ANKRD17: variants seen among roughly 807,000 people sequenced by gnomAD.
ANKRD17 encodes the protein ankyrin repeat domain 17.
ANKRD17 carries 19 observed loss-of-function variants against 229.7 expected under a neutral mutation model. The observed-to-expected ratio is 0.08, with a 90% CI of 0.06 to 0.12. ANKRD17 has a LOEUF of 0.12. Ranked by LOEUF, ANKRD17 falls within the 10% of genes least tolerant of loss-of-function variation. ANKRD17 has a pLI of 1.00. For synonymous variants in ANKRD17, 1,112 were observed against 1,146.1 expected (o/e 0.97, Z 0.60); for missense variants, 2,176 against 3,176.8 (o/e 0.68, Z 7.57).
chr4:73,159,470 T>A (rs550561406), intron 3 of ANKRD17, among the ~76,000 whole-genome samples: 1 of 152,228 alleles, frequency 6.6e-6, no homozygotes, highest in Admixed American at 6.5e-5. Flanking sequence ...ATATTAAGCC[T>A]GGCACATGGC....
chr4:73,108,740 A>C (rs1443170234), intron 24 of ANKRD17, among the ~76,000 whole-genome samples: 1 of 152,154 alleles, frequency 6.6e-6, no homozygotes, highest in Non-Finnish European at 1.5e-5. Flanking sequence ...TGGAAGAAAA[A>C]ATGGAGGTGA....
intron 17 of ANKRD17, 39 bp downstream of exon 17, chr4:73,125,162 G>C (rs1400938551): frequency 6.3e-7 from 1 of 1,588,092 alleles, no homozygotes; most frequent in Admixed American, 1.9e-5. Context: ...TAAATTTTTT[G>C]ACCAGTATTC....
chr4:73,103,530 TG>T (rs1310442796), intron 24 of ANKRD17, among the ~76,000 whole-genome samples: 1 of 152,216 alleles, frequency 6.6e-6, no homozygotes, highest in Non-Finnish European at 1.5e-5. Flanking sequence ...TTTTCTTTCT[TG>T]GCTCATAAAG....
At chr4:73,194,138 G>A (rs1209447648) in intron 1 of ANKRD17, among the ~76,000 whole-genome samples, 1 of 152,100 alleles carries the variant, frequency 6.6e-6, no homozygotes, top group Non-Finnish European at 1.5e-5. Flanking sequence ...ATTATCGGGG[G>A]TTATTTTATG....
rs6822576 is a variant in ANKRD17, at chr4:73,125,289, T to C, written c.3258A>G (p.Ala1086=). The change falls in exon 17 of 34, where the codon GCA becomes GCG. Residue 1086 remains alanine, a synonymous_variant. Coordinates refer to ENST00000358602, the MANE Select transcript of ANKRD17 (RefSeq NM_032217.5). ...GGCCACCAGCACAGGCAAGTGTTAG[T>C]GCCGTGTCATGATTACTCTCAGTCT... The part of the protein sequence containing the change: ...DAQTESNHDT[A]LTLACAGGHE... 1,612,318 of 1,613,454 alleles carry C rather than the reference T, an allele frequency of 1. 805,596 individuals are homozygous for C. The highest frequency in any genetic ancestry group is 1 in the East Asian group (44,860 of 44,860).
intron 16 of ANKRD17, among the ~76,000 whole-genome samples, chr4:73,133,010 G>A (rs927431827): frequency 6.6e-6 from 1 of 152,140 alleles, no homozygotes. Context: ...ACTTTGGGTG[G>A]CTAATGCAGG....
At chr4:73,165,209 G>T (rs1733072085) in intron 2 of ANKRD17, among the ~76,000 whole-genome samples, 1 of 152,156 alleles carries the variant, frequency 6.6e-6, no homozygotes, top group South Asian at 2.1e-4. Context: ...CAGGAGTCAG[G>T]TATGAGATGT....
At chr4:73,113,044 T>A (rs936693040) in intron 24 of ANKRD17, 6 of 1,093,754 alleles carry the variant, frequency 5.5e-6, no homozygotes, top group Non-Finnish European at 6.8e-6. Flanking sequence ...CGCCTCGGCC[T>A]CCCAAAGTGC....
chr4:73,081,109 C>T (rs1721516404), intron 30 of ANKRD17, among the ~76,000 whole-genome samples: 1 of 152,218 alleles, frequency 6.6e-6, no homozygotes, highest in Non-Finnish European at 1.5e-5. Flanking sequence ...GATAGGCACC[C>T]ATCCAAGTTT....
intron 1 of ANKRD17, among the ~76,000 whole-genome samples, chr4:73,241,298 T>C (rs1297208224): frequency 6.6e-6 from 1 of 151,880 alleles, no homozygotes; most frequent in African/African-American, 2.4e-5. Flanking sequence ...CCATATAAAT[T>C]TGAAATAAAT....
At chr4:73,101,947 T>A (rs1387785195) in intron 25 of ANKRD17, among the ~76,000 whole-genome samples, 1 of 152,070 alleles carries the variant, frequency 6.6e-6, no homozygotes, top group Non-Finnish European at 1.5e-5. Context: ...TCTCTTTTTT[T>A]TGATAGAAGG....
At chr4:73,178,363 G>A (rs1317993852) in intron 1 of ANKRD17, among the ~76,000 whole-genome samples, 1 of 152,048 alleles carries the variant, frequency 6.6e-6, no homozygotes, top group African/African-American at 2.4e-5. Context: ...TGCTTTATGT[G>A]TACTTCCCAT....
intron 1 of ANKRD17, among the ~76,000 whole-genome samples, chr4:73,185,652 T>C (rs569828733): frequency 2.0e-4 from 31 of 152,196 alleles, no homozygotes; most frequent in South Asian, 1.0e-3. Context: ...AAAATGGGTT[T>C]ACAGACATAA....
At chr4:73,225,056 G>T (rs1019768041) in intron 1 of ANKRD17, among the ~76,000 whole-genome samples, 1 of 152,122 alleles carries the variant, frequency 6.6e-6, no homozygotes, top group East Asian at 1.9e-4. Flanking sequence ...TTTAGGTATG[G>T]GTATGCCTGG....
chr4:73,240,564 G>A (rs1041985549), intron 1 of ANKRD17, among the ~76,000 whole-genome samples: 1 of 151,982 alleles, frequency 6.6e-6, no homozygotes. Context: ...TTTCGAGGCG[G>A]CAGTGAGCTA....
At chr4:73,241,559 A>G (rs1744041993) in intron 1 of ANKRD17, among the ~76,000 whole-genome samples, 1 of 152,194 alleles carries the variant, frequency 6.6e-6, no homozygotes, top group Non-Finnish European at 1.5e-5. Context: ...TTACTAAACT[A>G]TAAAAAGATC....
At chr4:73,185,682 T>A (rs538104444) in intron 1 of ANKRD17, among the ~76,000 whole-genome samples, 5 of 152,114 alleles carry the variant, frequency 3.3e-5, no homozygotes, top group Non-Finnish European at 7.4e-5. Context: ...TAACACCACT[T>A]TGGCTACAAA....
chr4:73,179,518 A>ATTTTTTTTTTT lies in ANKRD17; in HGVS notation c.394-1996_394-1986dup, dbSNP rs56182757. ...TATATATATATATATATATATATAT[A>ATTTTTTTTTTT]TTTTTTTTTTTTTTTTTAAAGAGAC... On this transcript the variant is annotated intron_variant, in intron 1 of 33. Transcript: ENST00000358602. Among the ~76,000 whole-genome samples, 27 of 40,782 alleles carry ATTTTTTTTTTT rather than the reference A, an allele frequency of 6.6e-4. 1 individual carries two copies. The highest frequency in any genetic ancestry group is 1.5e-3 in the South Asian group (2 of 1,376). The allele number at this position is 40,782 out of a possible 152,430, so 26.8% of individuals were successfully genotyped here.
intron 1 of ANKRD17, among the ~76,000 whole-genome samples, chr4:73,253,195 A>C (rs1403031651): frequency 6.6e-6 from 1 of 152,202 alleles, no homozygotes; most frequent in Non-Finnish European, 1.5e-5. Flanking sequence ...CCCTGCCAAC[A>C]TTTGTATACT....
Sources: allele counts gnomAD v4.1 joint callset (sites outside exome capture counted in the v4.1 genomes callset), GRCh38; gene constraint gnomAD v4.1.1; transcripts MANE v1.5; gene names NCBI Gene and HGNC (gene_info 2026-07-23, HGNC 2026-07-21).